NXPE2: variants seen among roughly 807,000 people sequenced by gnomAD.
NXPE2 encodes NXPE family member 2.
Under a neutral mutation model 34.4 loss-of-function variants are expected in NXPE2, and 34 were observed. That is an observed-to-expected ratio of 0.99 (90% CI 0.75 to 1.31). The LOEUF (loss-of-function observed/expected upper bound fraction) is 1.31, where lower values mean the gene tolerates loss of function less well. Ranked by LOEUF, NXPE2 falls within the 40% of genes most tolerant of loss-of-function variation. The pLI, the probability that NXPE2 is intolerant of heterozygous loss-of-function variation, is 0.00. For missense variants in NXPE2, 649 were observed against 672.5 expected (o/e 0.97, Z 0.39); for synonymous variants, 235 against 231.3 (o/e 1.02, Z -0.15).
chr11:114,472,268 C>G, the NXPE2 span, among the ~76,000 whole-genome samples: 1 of 152,146 alleles, frequency 6.6e-6, no homozygotes, highest in African/African-American at 2.4e-5. Context: ...TAGCCCTCTC[C>G]CACTGTTTTA....
the NXPE2 span, among the ~76,000 whole-genome samples, chr11:114,601,684 T>TCA: frequency 9.7e-5 from 3 of 30,870 alleles, no homozygotes; most frequent in African/African-American, 4.9e-4. Flanking sequence ...TAATTATAGA[T>TCA]TATATATATT....
At chr11:114,466,985 T>A in the NXPE2 span, among the ~76,000 whole-genome samples, 3 of 152,174 alleles carry the variant, frequency 2.0e-5, no homozygotes, top group East Asian at 5.8e-4. Context: ...TTAGACAGCT[T>A]CCAGACAACA....
At chr11:114,585,756 A>C in the NXPE2 span, among the ~76,000 whole-genome samples, 1 of 152,150 alleles carries the variant, frequency 6.6e-6, no homozygotes, top group Non-Finnish European at 1.5e-5. Flanking sequence ...GGAGCCCCCA[A>C]ATCATTTCTT....
chr11:114,519,022 T>C, the NXPE2 span, among the ~76,000 whole-genome samples: 2 of 152,186 alleles, frequency 1.3e-5, no homozygotes, highest in African/African-American at 4.8e-5. Flanking sequence ...CAGATTTCCT[T>C]TTCTTATAAG....
At chr11:114,746,629 A>G in the NXPE2 span, among the ~76,000 whole-genome samples, 1 of 152,130 alleles carries the variant, frequency 6.6e-6, no homozygotes, top group Admixed American at 6.5e-5. Flanking sequence ...AGGTGGGCGG[A>G]TCATGAGGTC....
At chr11:114,784,762 G>A in the NXPE2 span, among the ~76,000 whole-genome samples, 1 of 152,158 alleles carries the variant, frequency 6.6e-6, no homozygotes, top group African/African-American at 2.4e-5. Context: ...CTGAGGCAAA[G>A]AGATACCGCC....
chr11:114,654,999 T>C, the NXPE2 span, among the ~76,000 whole-genome samples: 1 of 152,236 alleles, frequency 6.6e-6, no homozygotes, highest in African/African-American at 2.4e-5. Flanking sequence ...CCTGACTTTT[T>C]AATAATCACC....
the NXPE2 span, among the ~76,000 whole-genome samples, chr11:114,805,596 A>G: frequency 1.3e-5 from 2 of 152,240 alleles, no homozygotes; most frequent in Non-Finnish European, 2.9e-5. Context: ...CAGTGCTAGC[A>G]CAGCAGTCTG....
At chr11:114,598,001 T>A in the NXPE2 span, among the ~76,000 whole-genome samples, 1 of 152,054 alleles carries the variant, frequency 6.6e-6, no homozygotes, top group African/African-American at 2.4e-5. Context: ...ACAAGGTAAG[T>A]CCCTTCCACC....
At chr11:114,554,195 A>G in the NXPE2 span, 6 of 983,388 alleles carry the variant, frequency 6.1e-6, no homozygotes, top group Non-Finnish European at 7.2e-6. Context: ...CTGTAATAGA[A>G]ACTTGTAGCT....
At chr11:114,672,146 A>G in the NXPE2 span, among the ~76,000 whole-genome samples, 11 of 152,108 alleles carry the variant, frequency 7.2e-5, no homozygotes, top group Non-Finnish European at 1.0e-4. Flanking sequence ...GTCCACCCCC[A>G]TGATTCAATC....
chr11:114,567,658 A>G, the NXPE2 span, among the ~76,000 whole-genome samples: 5 of 152,128 alleles, frequency 3.3e-5, no homozygotes, highest in South Asian at 1.0e-3. Context: ...TTGGACCCAG[A>G]CTGTTAGTTA....
chr11:114,591,531 G>T, the NXPE2 span, among the ~76,000 whole-genome samples: 6 of 152,096 alleles, frequency 3.9e-5, no homozygotes, highest in Admixed American at 3.9e-4. Flanking sequence ...TCAACTTGAA[G>T]CCCCTCTAAC....
At chr11:114,637,185 T>A in the NXPE2 span, among the ~76,000 whole-genome samples, 5 of 152,072 alleles carry the variant, frequency 3.3e-5, no homozygotes, top group Admixed American at 6.6e-5. Flanking sequence ...AGTTAGCTCT[T>A]CTTGTTGAGT....
chr11:114,628,072 G>C, the NXPE2 span, among the ~76,000 whole-genome samples: 3 of 149,300 alleles, frequency 2.0e-5, no homozygotes, highest in South Asian at 6.6e-4. Context: ...TTAATAATGG[G>C]AGACTTTAAC....
At chr11:114,783,580 T>C in the NXPE2 span, among the ~76,000 whole-genome samples, 1 of 152,232 alleles carries the variant, frequency 6.6e-6, no homozygotes, top group African/African-American at 2.4e-5. Context: ...CTTTGTGTGC[T>C]CAAAGACAAT....
At chr11:114,552,854 A>G in the NXPE2 span, 37 of 975,680 alleles carry the variant, frequency 3.8e-5, no homozygotes, top group Non-Finnish European at 4.3e-5. Flanking sequence ...GTACTTACCC[A>G]ATAGGTGTCA....
At chr11:114,730,475 T>G in the NXPE2 span, among the ~76,000 whole-genome samples, 317 of 152,338 alleles carry the variant, frequency 2.1e-3, no homozygotes, top group African/African-American at 7.5e-3. Flanking sequence ...GCATTGAATC[T>G]GTAGACTGCT....
upstream of NXPE2, among the ~76,000 whole-genome samples, chr11:114,677,297 AC>A (rs147890103): frequency 0.013 from 1,963 of 152,208 alleles, 30 homozygotes; most frequent in African/African-American, 0.045. Context: ...AATAAAAATA[AC>A]CATGTTAGGT....
Sources: gnomAD v4.1 joint callset for allele counts (sites outside exome capture counted in the v4.1 genomes callset) on GRCh38, gnomAD v4.1.1 for gene constraint, MANE v1.5 for transcripts, NCBI Gene and HGNC (gene_info 2026-07-23, HGNC 2026-07-21) for gene names.